The following BRINP3 variants were observed in gnomAD, a reference collection of about 807,000 sequenced individuals.
BRINP3 encodes the protein BMP/retinoic acid inducible neural specific 3.
Under a neutral mutation model 71.0 loss-of-function variants are expected in BRINP3, and 19 were observed. That is an observed-to-expected ratio of 0.27 (90% CI 0.19 to 0.39). The LOEUF (loss-of-function observed/expected upper bound fraction) is 0.39. Among genes scored for constraint, BRINP3 ranks in the 10% least tolerant of loss-of-function variants. BRINP3 has a pLI of 1.00. For synonymous variants in BRINP3, 380 were observed against 337.7 expected, an observed-to-expected ratio of 1.13 and a Z score of -1.37; for missense variants, 959 against 940.8, an observed-to-expected ratio of 1.02 and a Z score of -0.25.
At chr1:190,156,289 G>A (rs1187787597) in intron 7 of BRINP3, among the ~76,000 whole-genome samples, 1 of 151,918 alleles carries the variant, frequency 6.6e-6, no homozygotes, top group Admixed American at 6.6e-5. Context: ...GTTTGTTTTT[G>A]CTTATTTTTC....
chr1:190,148,632 TAAA>T (rs1656114628), intron 7 of BRINP3, among the ~76,000 whole-genome samples: 1 of 150,212 alleles, frequency 6.7e-6, no homozygotes, highest in African/African-American at 2.4e-5. Flanking sequence ...AATAAATAAA[TAAA>T]TAAATAAATA....
At chr1:190,234,105 C>CT (rs2102738123) in intron 5 of BRINP3, among the ~76,000 whole-genome samples, 1 of 152,134 alleles carries the variant, frequency 6.6e-6, no homozygotes, top group African/African-American at 2.4e-5. Context: ...ACAATGATTA[C>CT]TATACGTAAG....
chr1:190,174,273 T>C (rs1558035038), intron 6 of BRINP3, among the ~76,000 whole-genome samples: 3 of 152,126 alleles, frequency 2.0e-5, no homozygotes, highest in Non-Finnish European at 4.4e-5. Context: ...ACATCTAAGT[T>C]GGTACCTACT....
At chr1:190,254,063 G>A (rs961376926) in intron 4 of BRINP3, among the ~76,000 whole-genome samples, 1 of 152,068 alleles carries the variant, frequency 6.6e-6, no homozygotes, top group Admixed American at 6.6e-5. Context: ...GTTTGTCAAG[G>A]ATCAGATGGT....
intron 2 of BRINP3, among the ~76,000 whole-genome samples, chr1:190,320,562 C>T (rs969717844): frequency 6.6e-6 from 1 of 151,736 alleles, no homozygotes; most frequent in Admixed American, 6.6e-5. Flanking sequence ...CTCACTTATT[C>T]CTATTTAGGG....
chr1:190,148,338 T>A (rs763434569), intron 7 of BRINP3, among the ~76,000 whole-genome samples: 26 of 152,054 alleles, frequency 1.7e-4, no homozygotes, highest in Non-Finnish European at 3.1e-4. Context: ...GGCTCACGCG[T>A]CATCCCAACA....
intron 2 of BRINP3, among the ~76,000 whole-genome samples, chr1:190,392,804 T>C (rs1671334284): frequency 6.6e-6 from 1 of 151,668 alleles, no homozygotes; most frequent in African/African-American, 2.4e-5. Context: ...CTCAATTCAA[T>C]TAATAAATAA....
chr1:190,240,572 T>C (rs542572393), intron 4 of BRINP3, among the ~76,000 whole-genome samples: 5 of 151,974 alleles, frequency 3.3e-5, no homozygotes, highest in Admixed American at 3.3e-4. Context: ...ATTAGGGTAT[T>C]AAAACTCTCA....
intron 7 of BRINP3, among the ~76,000 whole-genome samples, chr1:190,137,651 T>G (rs1466978800): frequency 1.3e-5 from 2 of 152,054 alleles, no homozygotes; most frequent in Non-Finnish European, 2.9e-5. Context: ...TGACAAGAAG[T>G]GATACGCCAT....
chr1:190,358,418 T>A (rs1187912624), intron 2 of BRINP3, among the ~76,000 whole-genome samples: 2 of 151,784 alleles, frequency 1.3e-5, no homozygotes, highest in Non-Finnish European at 1.5e-5. Context: ...AAAATGCTCA[T>A]CAACACTGGC....
intron 2 of BRINP3, among the ~76,000 whole-genome samples, chr1:190,303,906 T>A (rs577952577): frequency 2.0e-5 from 3 of 151,888 alleles, no homozygotes; most frequent in South Asian, 2.1e-4. Context: ...TAATAAAAAA[T>A]TTAACAATCA....
At chr1:190,141,445 C>A (rs550379729) in intron 7 of BRINP3, among the ~76,000 whole-genome samples, 2 of 151,796 alleles carry the variant, frequency 1.3e-5, no homozygotes, top group Admixed American at 6.6e-5. Flanking sequence ...GGGCTCAATT[C>A]CAGAATTAAC....
intron 2 of BRINP3, among the ~76,000 whole-genome samples, chr1:190,349,549 G>A (rs923432368): frequency 1.3e-5 from 2 of 152,060 alleles, no homozygotes; most frequent in Non-Finnish European, 2.9e-5. Context: ...GGCTATTGGA[G>A]ATTGTAGGCA....
At chr1:190,299,134 T>C (rs908965804) in intron 2 of BRINP3, among the ~76,000 whole-genome samples, 4 of 152,104 alleles carry the variant, frequency 2.6e-5, no homozygotes, top group African/African-American at 9.7e-5. Context: ...TTTTCTGAAA[T>C]TAATGTTTAC....
chr1:190,107,355 A>G (rs1652262584), intron 7 of BRINP3, among the ~76,000 whole-genome samples: 1 of 151,874 alleles, frequency 6.6e-6, no homozygotes, highest in Non-Finnish European at 1.5e-5. Flanking sequence ...CCTCCTAAAT[A>G]TGTCATGTAC....
At chr1:190,447,349 T>A (rs1675291102) in intron 2 of BRINP3, among the ~76,000 whole-genome samples, 1 of 144,430 alleles carries the variant, frequency 6.9e-6, no homozygotes, top group Non-Finnish European at 1.5e-5. Context: ...TTTGAACATC[T>A]TATATATATA....
At chr1:190,409,099 A>T (rs1295236878) in intron 2 of BRINP3, among the ~76,000 whole-genome samples, 1 of 152,078 alleles carries the variant, frequency 6.6e-6, no homozygotes, top group Non-Finnish European at 1.5e-5. Context: ...TGTAGTGCTG[A>T]GGTTTAAAAA....
At chr1:190,369,362 T>C (rs1047431576) in intron 2 of BRINP3, among the ~76,000 whole-genome samples, 4 of 152,084 alleles carry the variant, frequency 2.6e-5, no homozygotes, top group African/African-American at 7.2e-5. Flanking sequence ...TAAATCTACT[T>C]AACATTCCAA....
chr1:190,320,243 A>G (rs1558178994), intron 2 of BRINP3, among the ~76,000 whole-genome samples: 1 of 152,128 alleles, frequency 6.6e-6, no homozygotes, highest in African/African-American at 2.4e-5. Context: ...AATAAATATC[A>G]TCTATGCATA....
Sources: gnomAD v4.1 joint callset for allele counts (sites outside exome capture counted in the v4.1 genomes callset) on GRCh38, gnomAD v4.1.1 for gene constraint, MANE v1.5 for transcripts, NCBI Gene and HGNC (gene_info 2026-07-23, HGNC 2026-07-21) for gene names.